Variants in SYT17 observed in about 807,000 individuals in gnomAD.
SYT17 encodes the protein synaptotagmin-17.
In SYT17, 22 loss-of-function variants were observed where a neutral mutation model predicts 46.7. That is an observed-to-expected ratio of 0.47 (90% CI 0.34 to 0.67). SYT17 has a LOEUF of 0.67. Ranked by LOEUF, SYT17 falls within the 30% of genes least tolerant of loss-of-function variation. SYT17 has a pLI of 0.01. For synonymous variants in SYT17, 251 were observed against 248.4 expected (o/e 1.01, Z -0.10); for missense variants, 519 against 612.8 (o/e 0.85, Z 1.62).
At chr16:19,209,413 C>T (rs1214208432) in intron 5 of SYT17, among the ~76,000 whole-genome samples, 1 of 152,140 alleles carries the variant, frequency 6.6e-6, no homozygotes, top group Non-Finnish European at 1.5e-5. Flanking sequence ...ACAAGGTGCT[C>T]ACCTCTTTAG....
At chr16:19,251,849 C>T (rs781500200) in intron 7 of SYT17, among the ~76,000 whole-genome samples, 27 of 152,194 alleles carry the variant, frequency 1.8e-4, no homozygotes, top group Admixed American at 6.5e-4. Flanking sequence ...AAAGGGATTG[C>T]GCATACACAG....
chr16:19,245,902 G>T (rs1317335091), intron 7 of SYT17, among the ~76,000 whole-genome samples: 1 of 151,860 alleles, frequency 6.6e-6, no homozygotes. Flanking sequence ...TGTTATAAAA[G>T]ATATAATTTT....
Position 19,187,536 on chromosome 16 carries a change from A to G in SYT17, c.951+3389A>G, listed in dbSNP as rs1162745023. Among the ~76,000 whole-genome samples the G allele has an allele frequency of 2.0e-5, 3 of 152,322 alleles. No individual in the cohort carries two copies. The East Asian group carries it at 5.8e-4, about 29-fold the overall frequency. On this transcript the variant is annotated intron_variant, in intron 5 of 7. Coordinates refer to ENST00000355377, the MANE Select transcript of SYT17 (RefSeq NM_016524.4). ...TTTTAAATGATGGAATCCACTAGGAAGGTCATGCTATATGAGTATTTCACT... is the reference window on the plus strand; with the variant it reads ...TTTTAAATGATGGAATCCACTAGGAGGGTCATGCTATATGAGTATTTCACT...
chr16:19,225,831 T>G (rs759502902), intron 7 of SYT17, among the ~76,000 whole-genome samples: 4 of 152,180 alleles, frequency 2.6e-5, no homozygotes, highest in Non-Finnish European at 4.4e-5. Flanking sequence ...GGAGCAAGAA[T>G]GGCAAGGAAG....
rs536715473 is a variant in SYT17 at position 19,234,042 on chromosome 16, A to G, written c.1228+9204A>G. ...TTGGTTCAAATTTCACCTTTTGGCC[A>G]TTCACAGTGGTTCACACTCATACCT... On this transcript the variant is annotated intron_variant, in intron 7 of 7. Transcript: ENST00000355377. 3.3e-5 allele frequency among the ~76,000 whole-genome samples: 5 copies of G among 152,300 alleles called. 1 individual carries two copies. Among genetic ancestry groups the G allele is most frequent in the African/African-American group, 1.2e-4 (5 of 41,564 alleles).
chr16:19,226,149 C>G (rs1446562353), intron 7 of SYT17, among the ~76,000 whole-genome samples: 1 of 152,208 alleles, frequency 6.6e-6, no homozygotes, highest in Non-Finnish European at 1.5e-5. Flanking sequence ...ACTTACAGAT[C>G]TAGGGACTGA....
intron 3 of SYT17, among the ~76,000 whole-genome samples, chr16:19,176,691 C>A (rs192474508): frequency 4.0e-5 from 6 of 151,732 alleles, no homozygotes; most frequent in African/African-American, 1.2e-4. Flanking sequence ...GCAGACATCA[C>A]CCCTTGTAGA....
intron 5 of SYT17, among the ~76,000 whole-genome samples, chr16:19,209,031 C>T (rs1198439120): frequency 2.0e-5 from 3 of 151,562 alleles, no homozygotes; most frequent in Non-Finnish European, 4.4e-5. Context: ...CCACACCTGC[C>T]TAATTTTTTG....
chr16:19,209,734 C>T (rs905228862), intron 5 of SYT17, among the ~76,000 whole-genome samples: 10 of 150,752 alleles, frequency 6.6e-5, no homozygotes, highest in Non-Finnish European at 1.3e-4. Flanking sequence ...AAAAATTAGC[C>T]GGGCGTGGTG....
intron 7 of SYT17, among the ~76,000 whole-genome samples, chr16:19,242,673 G>A (rs1370535427): frequency 4.6e-5 from 7 of 152,088 alleles, no homozygotes; most frequent in African/African-American, 1.7e-4. Context: ...CTATAGGTGT[G>A]TGCCACCATG....
intron 4 of SYT17, among the ~76,000 whole-genome samples, chr16:19,182,004 A>G (rs1489706548): frequency 1.3e-5 from 2 of 151,822 alleles, no homozygotes; most frequent in African/African-American, 4.8e-5. Flanking sequence ...TGTCTCAAAA[A>G]AAAAAAAAAA....
intron 7 of SYT17, among the ~76,000 whole-genome samples, chr16:19,228,574 T>C (rs1966576303): frequency 6.6e-6 from 1 of 152,178 alleles, no homozygotes; most frequent in Non-Finnish European, 1.5e-5. Context: ...TGAGCATCTA[T>C]AAGTAGCTAT....
intron 7 of SYT17, among the ~76,000 whole-genome samples, chr16:19,235,647 G>A (rs1966840432): frequency 6.6e-6 from 1 of 152,212 alleles, no homozygotes; most frequent in East Asian, 1.9e-4. Context: ...TGAAGACTTT[G>A]AAGCAACTAT....
rs543649673 is a variant in SYT17, at chr16:19,168,478, G to C, written c.-169G>C. The C allele has an allele frequency of 5.9e-5, 52 of 878,574 alleles. No individual in the cohort carries two copies. The African/African-American group carries it at 9.2e-4, about 16-fold the overall frequency. The allele number at this position is 878,574 out of a possible 1,614,324, so 54.4% of individuals were successfully genotyped here. A position where few individuals can be genotyped will look rare whatever the true frequency, so the allele number is the denominator to read the frequency against. On this transcript the variant is annotated 5_prime_UTR_variant, in exon 1 of 8. Transcript: ENST00000355377. The surrounding 1 kb of genome is among the most constrained non-coding windows in gnomAD (Gnocchi z 6.9). The stretch of plus-strand genomic sequence containing the variant: ...CGCAGGGAAAGGCAAGGACGGGGCG[G>C]CCGGCGGAGGGGCGGGCGCCGCTCA...
chr16:19,180,162 A>G (rs1964488459), intron 3 of SYT17: 1 of 518,318 alleles, frequency 1.9e-6, no homozygotes, highest in South Asian at 2.4e-5. Flanking sequence ...CAAGTTCTTG[A>G]CAGATTGTTC....
chr16:19,249,503 A>T (rs75965553), intron 7 of SYT17, among the ~76,000 whole-genome samples: 1 of 152,314 alleles, frequency 6.6e-6, no homozygotes, highest in African/African-American at 2.4e-5. Flanking sequence ...CAAATTAGAT[A>T]CTTGGAAATG....
chr16:19,181,732 G>C (rs1289153563), intron 4 of SYT17, among the ~76,000 whole-genome samples: 1 of 151,720 alleles, frequency 6.6e-6, no homozygotes, highest in Non-Finnish European at 1.5e-5. Flanking sequence ...GGGCGCGGTG[G>C]CTCATGCCTG....
intron 7 of SYT17, among the ~76,000 whole-genome samples, chr16:19,265,244 TC>T (rs1429777318): frequency 6.6e-6 from 1 of 152,176 alleles, no homozygotes; most frequent in Non-Finnish European, 1.5e-5. Context: ...AAGCTTCCAT[TC>T]CTATTATTTC....
Position 19,170,304 on chromosome 16 carries a change from ATCT to A in SYT17, c.15+1645_15+1647del, listed in dbSNP as rs1360270089. ...ACTTTGCACGAGTCAAGAGGCATTCATCTTTTTTTTTTTTCAACCTTTTAAAAA... is the reference window on the plus strand; with the variant it reads ...ACTTTGCACGAGTCAAGAGGCATTCATTTTTTTTTTTCAACCTTTTAAAAA... On this transcript the variant is annotated intron_variant, in intron 1 of 7. Transcript: ENST00000355377. The A allele has an allele frequency of 1.4e-4, 21 of 150,326 alleles. No homozygotes were observed. The East Asian group carries it at 3.1e-3, about 22-fold the overall frequency. 9.3% of individuals were successfully genotyped at this position (150,326 alleles called of 1,614,324 possible). A position where few individuals can be genotyped will look rare whatever the true frequency, so the allele number is the denominator to read the frequency against.
Sources: allele counts gnomAD v4.1 joint callset (sites outside exome capture counted in the v4.1 genomes callset), GRCh38; gene constraint gnomAD v4.1.1; non-coding constraint Gnocchi (gnomAD v3.1); transcripts MANE v1.5; gene names NCBI Gene and HGNC (gene_info 2026-07-23, HGNC 2026-07-21).